The following TOMM20 variants were observed in gnomAD, a reference collection of about 807,000 sequenced individuals.
TOMM20 encodes translocase of outer mitochondrial membrane 20.
Under a neutral mutation model 22.1 loss-of-function variants are expected in TOMM20, and 10 were observed. The ratio of observed to expected loss-of-function variants is 0.45; its 90% CI spans 0.28 to 0.77. TOMM20 has a LOEUF of 0.77. Ranked by LOEUF, TOMM20 falls within the 30% of genes least tolerant of loss-of-function variation. TOMM20 has a pLI of 0.13. For synonymous variants in TOMM20, 55 were observed against 61.4 expected (o/e 0.90, Z 0.49); for missense variants, 121 against 172.2 (o/e 0.70, Z 1.66).
chr1:235,120,248 A>C (rs1235582604), intron 2 of TOMM20, among the ~76,000 whole-genome samples: 1 of 152,146 alleles, frequency 6.6e-6, no homozygotes, highest in Non-Finnish European at 1.5e-5. Flanking sequence ...ATGATTCAAC[A>C]TTATTTTATA....
chr1:235,114,792 A>G (rs895362185), intron 3 of TOMM20, among the ~76,000 whole-genome samples: 2 of 152,130 alleles, frequency 1.3e-5, no homozygotes, highest in African/African-American at 4.8e-5. Flanking sequence ...AAAATACTTA[A>G]GGCTTACAGT....
intron 3 of TOMM20, among the ~76,000 whole-genome samples, chr1:235,116,700 G>A (rs1203648273): frequency 6.6e-6 from 1 of 152,062 alleles, no homozygotes; most frequent in Non-Finnish European, 1.5e-5. Flanking sequence ...AACAGAATGA[G>A]ATGCCATCTC....
chr1:235,117,098 G>A (rs189581977), intron 3 of TOMM20, among the ~76,000 whole-genome samples: 1 of 116,648 alleles, frequency 8.6e-6, no homozygotes, highest in East Asian at 2.8e-4. Flanking sequence ...TCGCGCCACT[G>A]CACTCCAGCC....
chr1:235,121,390 T>C (rs1487315067), intron 2 of TOMM20, among the ~76,000 whole-genome samples: 1 of 152,188 alleles, frequency 6.6e-6, no homozygotes, highest in African/African-American at 2.4e-5. Flanking sequence ...TAAAAATACA[T>C]ACTGGTGCAT....
intron 2 of TOMM20, among the ~76,000 whole-genome samples, chr1:235,121,065 G>A (rs1012315006): frequency 8.6e-5 from 13 of 151,992 alleles, no homozygotes; most frequent in African/African-American, 3.1e-4. Flanking sequence ...TGGGCATGGT[G>A]ACATGCACCT....
chr1:235,112,250 A>G (rs1029183365), intron 4 of TOMM20, 142 bp from the exon 5 acceptor site: 5 of 673,288 alleles, frequency 7.4e-6, no homozygotes, highest in Non-Finnish European at 1.3e-5. Flanking sequence ...AAAATGTAAC[A>G]CTTTACACAC....
In TOMM20 at chr1:235,122,323, T is replaced by C. The variant is rs1230365161; in HGVS notation, c.168+3A>G. 1.1e-5 allele frequency: 17 copies of C among 1,534,582 alleles called. No individual in the cohort carries two copies. Among genetic ancestry groups the C allele is most frequent in the Non-Finnish European group, 1.4e-5 (16 of 1,143,322 alleles). On this transcript the variant is annotated splice_donor_region_variant and intron_variant, in intron 2 of 4. Transcript: ENST00000366607. Reference sequence around the variant, plus strand: ...ATAATTTAAACAGAAACCAGACTATTACCTTGGAAAGCCCAGCTCTCTCCT... The same window carrying C: ...ATAATTTAAACAGAAACCAGACTATCACCTTGGAAAGCCCAGCTCTCTCCT...
At position 235,110,689 on chromosome 1, in the gene TOMM20, C is replaced by A. The variant is rs990511094; in HGVS notation, c.*1375G>T. 3 of 152,140 alleles carry A rather than the reference C, an allele frequency of 2.0e-5. No individual in the cohort carries two copies. The highest frequency in any genetic ancestry group is 7.2e-5 in the African/African-American group (3 of 41,418). The allele number at this position is 152,140 out of a possible 1,614,324, so 9.4% of individuals were successfully genotyped here. A position where few individuals can be genotyped will look rare whatever the true frequency, so the allele number is the denominator to read the frequency against. Reference sequence around the variant, plus strand: ...CTCCTTCCACTGCACCACAAAAAAACCGAGATTGATAATGATTAAGAAGAG... The same window carrying A: ...CTCCTTCCACTGCACCACAAAAAAAACGAGATTGATAATGATTAAGAAGAG... On this transcript the variant is annotated 3_prime_UTR_variant, in exon 5 of 5. Coordinates refer to ENST00000366607, the MANE Select transcript of TOMM20 (RefSeq NM_014765.3).
intron 3 of TOMM20, among the ~76,000 whole-genome samples, chr1:235,116,261 C>T (rs947527980): frequency 2.4e-4 from 36 of 151,278 alleles, no homozygotes; most frequent in African/African-American, 8.3e-4. Flanking sequence ...AAAATTAGGC[C>T]GGGGTGTGGT....
At chr1:235,112,144 TA>T (rs746549682) in intron 4 of TOMM20, 36 bp from the exon 5 acceptor site, 2 of 1,501,834 alleles carry the variant, frequency 1.3e-6, no homozygotes, top group African/African-American at 2.8e-5. Flanking sequence ...TAAAGTGTCA[TA>T]AGCATTTAAT....
chr1:235,128,798 C>T lies in TOMM20; in HGVS notation c.-83G>A, dbSNP rs1044067276. The T allele has an allele frequency of 4.4e-6, 7 of 1,580,362 alleles. No individual in the cohort carries two copies. The highest frequency in any genetic ancestry group is 6.0e-6 in the Non-Finnish European group (7 of 1,164,766). On this transcript the variant is annotated 5_prime_UTR_variant, in exon 1 of 5. Coordinates refer to ENST00000366607, the MANE Select transcript of TOMM20 (RefSeq NM_014765.3). ...CCACGAACCCTCAGAGCGGTCGGCG[C>T]AGCTCACACCCGACGGCCGCGGGCC...
chr1:235,118,922 A>G (rs1366663066), intron 3 of TOMM20, among the ~76,000 whole-genome samples: 1 of 152,238 alleles, frequency 6.6e-6, no homozygotes, highest in East Asian at 1.9e-4. Context: ...ATATCAAAAA[A>G]GTATTTCTTG....
chr1:235,124,258 G>T (rs887800951), intron 1 of TOMM20, among the ~76,000 whole-genome samples: 1 of 152,232 alleles, frequency 6.6e-6, no homozygotes, highest in African/African-American at 2.4e-5. Flanking sequence ...GTAGCAAGAG[G>T]ATCACTTGAA....
chr1:235,119,942 G>A (rs1660901854), intron 2 of TOMM20, 43 bp from the exon 3 acceptor site: 2 of 1,359,266 alleles, frequency 1.5e-6, no homozygotes, highest in Admixed American at 1.8e-5. Context: ...AATTATGCCA[G>A]GGGATATAAC....
intron 1 of TOMM20, chr1:235,128,057 C>T (rs1661061402): frequency 2.9e-6 from 1 of 349,034 alleles, no homozygotes; most frequent in Admixed American, 3.9e-5. Context: ...GACTGTAATC[C>T]CAGCTACTGG....
intron 1 of TOMM20, among the ~76,000 whole-genome samples, chr1:235,125,192 T>C (rs1218856707): frequency 6.6e-6 from 1 of 151,620 alleles, no homozygotes; most frequent in Non-Finnish European, 1.5e-5. Flanking sequence ...TTTTAAACAA[T>C]ATAAGGCTCT....
chr1:235,119,956 T>C (rs1660902041), intron 2 of TOMM20, 57 bp from the exon 3 acceptor site: 1 of 1,075,594 alleles, frequency 9.3e-7, no homozygotes, highest in South Asian at 1.6e-5. Flanking sequence ...ATATAACCAA[T>C]ACACAGATAT....
At chr1:235,116,348 G>A (rs376172761) in intron 3 of TOMM20, among the ~76,000 whole-genome samples, 2 of 152,138 alleles carry the variant, frequency 1.3e-5, no homozygotes, top group South Asian at 4.2e-4. Flanking sequence ...AGACCATCCT[G>A]GCCAACATGG....
At position 235,110,799 on chromosome 1, in the gene TOMM20, T is replaced by C. The variant is rs752663031; in HGVS notation, c.*1265A>G. On this transcript the variant is annotated 3_prime_UTR_variant, in exon 5 of 5. Transcript: ENST00000366607. ...AGACTTTTAGACAGAACAAAGGCAATCTTTACAATGAGAAATGCTCCTCAG... is the reference window on the plus strand; with the variant it reads ...AGACTTTTAGACAGAACAAAGGCAACCTTTACAATGAGAAATGCTCCTCAG... 2 of 152,188 alleles carry C rather than the reference T, an allele frequency of 1.3e-5. No homozygotes were observed. The highest frequency in any genetic ancestry group is 2.4e-5 in the African/African-American group (1 of 41,444). 9.4% of individuals were successfully genotyped at this position (152,188 alleles called of 1,614,324 possible). A position where few individuals can be genotyped will look rare whatever the true frequency, so the allele number is the denominator to read the frequency against.
Sources: gnomAD v4.1 joint callset for allele counts (sites outside exome capture counted in the v4.1 genomes callset) on GRCh38, gnomAD v4.1.1 for gene constraint, MANE v1.5 for transcripts, NCBI Gene and HGNC (gene_info 2026-07-23, HGNC 2026-07-21) for gene names.